Variants in KSR2 observed in about 807,000 individuals in gnomAD.
The protein encoded by KSR2 is kinase suppressor of ras 2.
In KSR2, 25 loss-of-function variants were observed where a neutral mutation model predicts 107.8. The ratio of observed to expected loss-of-function variants is 0.23; its 90% CI spans 0.17 to 0.32. KSR2 has a LOEUF of 0.32. Among genes scored for constraint, KSR2 ranks in the 10% least tolerant of loss-of-function variants. KSR2 has a pLI of 1.00. For synonymous variants in KSR2, 480 were observed against 507.0 expected (o/e 0.95, Z 0.71); for missense variants, 887 against 1,268.9 (o/e 0.70, Z 4.57).
At chr12:117,541,649 T>C (rs925269900) in intron 9 of KSR2, among the ~76,000 whole-genome samples, 16 of 152,232 alleles carry the variant, frequency 1.1e-4, no homozygotes, top group African/African-American at 3.8e-4. Context: ...AAAGATGGTA[T>C]AGTGTGGTCA....
intron 3 of KSR2, among the ~76,000 whole-genome samples, chr12:117,823,690 T>C (rs939193004): frequency 3.9e-5 from 6 of 152,156 alleles, no homozygotes; most frequent in African/African-American, 1.4e-4. Context: ...CAAGAGAAGA[T>C]ATCATTTCCA....
At chr12:117,607,369 G>A (rs553266608) in intron 5 of KSR2, among the ~76,000 whole-genome samples, 3 of 152,222 alleles carry the variant, frequency 2.0e-5, no homozygotes, top group African/African-American at 7.2e-5. Flanking sequence ...TAGCTATTCC[G>A]CATTTTGCAA....
chr12:117,508,484 G>C (rs1477989876), intron 14 of KSR2, among the ~76,000 whole-genome samples: 1 of 152,080 alleles, frequency 6.6e-6, no homozygotes, highest in Non-Finnish European at 1.5e-5. Flanking sequence ...TGGATAGGTG[G>C]GAGGGTTGGA....
rs374017859 is a variant in KSR2, at chr12:117,603,660, T to C, written c.1172-21301A>G. On this transcript the variant is annotated intron_variant, in intron 5 of 19. Transcript: ENST00000339824. ...CCATCAATGCTGCCTCTGGCAAAAC[T>C]TGGCCAAAAGGGGCAAAATGAGAAA... Among the ~76,000 whole-genome samples the C allele has an allele frequency of 8.5e-5, 13 of 152,324 alleles. No individual in the cohort carries two copies. In the East Asian group the frequency reaches 1.7e-3, roughly 20 times the overall value.
intron 1 of KSR2, among the ~76,000 whole-genome samples, chr12:117,930,026 T>C (rs1421831441): frequency 6.6e-6 from 1 of 152,168 alleles, no homozygotes; most frequent in African/African-American, 2.4e-5. Flanking sequence ...AAATATCATG[T>C]ATACATACCT....
chr12:117,919,799 A>G (rs1469595472), intron 1 of KSR2, among the ~76,000 whole-genome samples: 2 of 152,228 alleles, frequency 1.3e-5, no homozygotes, highest in African/African-American at 2.4e-5. Context: ...TGAAGCCTCT[A>G]TTAGCTTAAG....
chr12:117,695,616 T>A (rs1593140124), intron 4 of KSR2, among the ~76,000 whole-genome samples: 2 of 142,874 alleles, frequency 1.4e-5, no homozygotes, highest in South Asian at 2.2e-4. Flanking sequence ...GGGGCTGAGG[T>A]GGGAGGATCA....
intron 7 of KSR2, among the ~76,000 whole-genome samples, chr12:117,559,987 C>T (rs1878000844): frequency 6.6e-6 from 1 of 152,180 alleles, no homozygotes; most frequent in African/African-American, 2.4e-5. Context: ...ACATTAAACT[C>T]AGAAGTAGGA....
chr12:117,645,905 GTGTGTGTGTA>G (rs997685221), intron 5 of KSR2, among the ~76,000 whole-genome samples: 66 of 142,702 alleles, frequency 4.6e-4, no homozygotes, highest in African/African-American at 1.7e-3. Flanking sequence ...GTGTGTGTGT[GTGTGTGTGTA>G]CAGCTGTCCT....
intron 14 of KSR2, among the ~76,000 whole-genome samples, chr12:117,497,482 A>T (rs762210635): frequency 1.3e-5 from 2 of 152,060 alleles, no homozygotes; most frequent in Non-Finnish European, 2.9e-5. Flanking sequence ...AAATCCCTCC[A>T]CGCAGGGCAG....
chr12:117,543,776 A>G (rs1054935342), intron 9 of KSR2, among the ~76,000 whole-genome samples: 2 of 152,208 alleles, frequency 1.3e-5, no homozygotes, highest in Admixed American at 6.5e-5. Flanking sequence ...TGGAGGGCAA[A>G]AGTCCCAAGT....
At chr12:117,553,375 T>C (rs1273643744) in intron 9 of KSR2, among the ~76,000 whole-genome samples, 1 of 152,224 alleles carries the variant, frequency 6.6e-6, no homozygotes, top group African/African-American at 2.4e-5. Context: ...GAGTCTGATT[T>C]GTTTTCTAGA....
At chr12:117,491,560 A>G (rs1011135894) in intron 14 of KSR2, among the ~76,000 whole-genome samples, 1 of 151,828 alleles carries the variant, frequency 6.6e-6, no homozygotes, top group Non-Finnish European at 1.5e-5. Context: ...ACACGATAGG[A>G]TTTCCTTCTT....
chr12:117,502,816 C>T (rs1223870672), intron 14 of KSR2, among the ~76,000 whole-genome samples: 1 of 152,172 alleles, frequency 6.6e-6, no homozygotes, highest in African/African-American at 2.4e-5. Flanking sequence ...ACAGCTTTGT[C>T]AACCAGGGAA....
chr12:117,807,401 C>G (rs2137039164), intron 3 of KSR2, among the ~76,000 whole-genome samples: 1 of 152,316 alleles, frequency 6.6e-6, no homozygotes, highest in African/African-American at 2.4e-5. Context: ...TTTCCATAAA[C>G]TGGGTTCCAC....
intron 10 of KSR2, among the ~76,000 whole-genome samples, chr12:117,535,649 T>TGTGTGTG (rs1565888922): frequency 4.9e-5 from 7 of 142,762 alleles, no homozygotes; most frequent in African/African-American, 1.5e-4. Flanking sequence ...TGTGTGTGTG[T>TGTGTGTG]TTCAAGATGG....
chr12:117,685,307 C>G (rs1220919639), intron 4 of KSR2, among the ~76,000 whole-genome samples: 2 of 152,212 alleles, frequency 1.3e-5, no homozygotes, highest in Non-Finnish European at 2.9e-5. Context: ...AATATTTACA[C>G]AGGCCATCAT....
chr12:117,964,663 T>C (rs1346556055), intron 1 of KSR2, among the ~76,000 whole-genome samples: 6 of 152,202 alleles, frequency 3.9e-5, no homozygotes, highest in Admixed American at 1.3e-4. Context: ...CTGTTCCAGA[T>C]AGTGCTAGAC....
chr12:117,759,356 T>A (rs575017128), intron 4 of KSR2, among the ~76,000 whole-genome samples: 24 of 152,234 alleles, frequency 1.6e-4, no homozygotes, highest in African/African-American at 5.8e-4. Flanking sequence ...CATGATAGAG[T>A]TGAGTAACTG....
Sources: allele counts gnomAD v4.1 joint callset (sites outside exome capture counted in the v4.1 genomes callset), GRCh38; gene constraint gnomAD v4.1.1; transcripts MANE v1.5; gene names NCBI Gene and HGNC (gene_info 2026-07-23, HGNC 2026-07-21).